Variants in PDE8A observed in about 807,000 individuals in gnomAD.
The protein encoded by PDE8A is phosphodiesterase 8A.
In PDE8A, 59 loss-of-function variants were observed where a neutral mutation model predicts 105.0. The observed-to-expected ratio is 0.56, with a 90% CI of 0.46 to 0.70. The LOEUF (loss-of-function observed/expected upper bound fraction) is 0.70, where lower values mean the gene tolerates loss of function less well. Ranked by LOEUF, PDE8A falls within the 30% of genes least tolerant of loss-of-function variation. The pLI is 0.00. For synonymous variants in PDE8A, 355 were observed against 371.9 expected, an observed-to-expected ratio of 0.95 and a Z score of 0.52; for missense variants, 1,014 against 1,045.9, an observed-to-expected ratio of 0.97 and a Z score of 0.42.
chr15:85,123,315 T>C, intron 19 of PDE8A, 122 bp downstream of exon 19: 1 of 696,324 alleles, frequency 1.4e-6, no homozygotes, highest in Non-Finnish European at 2.5e-6. Flanking sequence ...ATTAGACTCT[T>C]ACAGGGACAG....
chr15:84,994,417 C>G (rs1044954979), intron 1 of PDE8A, among the ~76,000 whole-genome samples: 4 of 152,202 alleles, frequency 2.6e-5, no homozygotes, highest in Non-Finnish European at 5.9e-5. Flanking sequence ...CCCATGTAAT[C>G]ACCAGCCAAA....
At position 85,130,472 on chromosome 15, in the gene PDE8A, G is replaced by T. The variant is rs28762802; in HGVS notation, c.2253+4098G>T. Among the ~76,000 whole-genome samples the T allele has an allele frequency of 4.3e-3, 659 of 152,200 alleles. 2 individuals are homozygous for T. The highest frequency in any genetic ancestry group is 0.015 in the African/African-American group (619 of 41,530). On this transcript the variant is annotated intron_variant, in intron 20 of 21. Transcript: ENST00000394553. ...TTACCTTTTAAAATATATACTGTTT[G>T]TTTTGTGGCCTATCATATGTTGTAT...
intron 6 of PDE8A, among the ~76,000 whole-genome samples, chr15:85,084,290 G>A (rs111279771): frequency 3.3e-5 from 5 of 152,200 alleles, no homozygotes; most frequent in East Asian, 3.9e-4. Flanking sequence ...AAAGGGGATC[G>A]GAATGAGAGT....
intron 1 of PDE8A, among the ~76,000 whole-genome samples, chr15:84,989,751 A>G (rs1448843428): frequency 6.6e-6 from 1 of 152,258 alleles, no homozygotes; most frequent in Admixed American, 6.5e-5. Context: ...CCATTTTCTT[A>G]TGAGAACCTT....
intron 20 of PDE8A, among the ~76,000 whole-genome samples, chr15:85,132,798 T>C (rs905642123): frequency 4.6e-5 from 7 of 151,934 alleles, no homozygotes; most frequent in Admixed American, 4.6e-4. Context: ...GCTGATATTC[T>C]CACTGTGGTG....
In PDE8A at chr15:85,069,888, G is replaced by T. The variant is rs143375912; in HGVS notation, c.434+2684G>T. ...GTAGGGATGGGTCCTTGTGCTAATCGTAGTGAGTTTTCTAGAGGCAAGAGC... is the reference window on the plus strand; with the variant it reads ...GTAGGGATGGGTCCTTGTGCTAATCTTAGTGAGTTTTCTAGAGGCAAGAGC... On this transcript the variant is annotated intron_variant, in intron 3 of 21. Coordinates refer to ENST00000394553, the MANE Select transcript of PDE8A (RefSeq NM_002605.3). Among the ~76,000 whole-genome samples, 304 of 152,264 alleles carry T rather than the reference G, an allele frequency of 2.0e-3. 2 individuals carry two copies. Among genetic ancestry groups the T allele is most frequent in the Non-Finnish European group, 1.9e-3 (127 of 68,018 alleles).
At chr15:85,107,949 G>A (rs2081969559) in intron 11 of PDE8A, among the ~76,000 whole-genome samples, 1 of 152,150 alleles carries the variant, frequency 6.6e-6, no homozygotes. Flanking sequence ...AATCATGAAA[G>A]AAACTAGAAA....
At chr15:85,077,402 T>G (rs2081394743) in intron 5 of PDE8A, among the ~76,000 whole-genome samples, 1 of 152,218 alleles carries the variant, frequency 6.6e-6, no homozygotes, top group Admixed American at 6.5e-5. Context: ...AGGCTGACCC[T>G]TGGGCAGATT....
chr15:85,011,809 C>CT, intron 1 of PDE8A, among the ~76,000 whole-genome samples: 1 of 152,032 alleles, frequency 6.6e-6, no homozygotes, highest in South Asian at 2.1e-4. Context: ...TGACAAAGGG[C>CT]TAATATCCAG....
At chr15:85,097,011 AC>A in intron 8 of PDE8A, among the ~76,000 whole-genome samples, 1 of 152,224 alleles carries the variant, frequency 6.6e-6, no homozygotes, top group Non-Finnish European at 1.5e-5. Context: ...TGGATAGCAA[AC>A]CTCAGCTAAG....
At chr15:85,063,639 T>G (rs1163410200) in intron 1 of PDE8A, 2 of 152,272 alleles carry the variant, frequency 1.3e-5, no homozygotes, top group African/African-American at 4.8e-5. Flanking sequence ...GCAGGGTACT[T>G]AGAACTTCAG....
At chr15:85,130,433 T>C (rs2082314626) in intron 20 of PDE8A, among the ~76,000 whole-genome samples, 1 of 152,244 alleles carries the variant, frequency 6.6e-6, no homozygotes, top group South Asian at 2.1e-4. Context: ...TTAGAAAAGG[T>C]ACTTTGTATG....
chr15:84,993,697 T>C (rs1393237340), intron 1 of PDE8A, among the ~76,000 whole-genome samples: 1 of 151,684 alleles, frequency 6.6e-6, no homozygotes, highest in African/African-American at 2.4e-5. Context: ...TTGGGAAACA[T>C]AGTAAGACCC....
chr15:85,034,481 A>G (rs961056596), intron 1 of PDE8A, among the ~76,000 whole-genome samples: 4 of 152,196 alleles, frequency 2.6e-5, no homozygotes, highest in Non-Finnish European at 5.9e-5. Context: ...GTGTGTGGTC[A>G]TATAACTAAC....
rs377755069 is a variant in PDE8A at position 85,116,145 on chromosome 15, G to C, written c.1535+26G>C. On this transcript the variant is annotated intron_variant, in intron 16 of 21. Coordinates refer to ENST00000394553, the MANE Select transcript of PDE8A (RefSeq NM_002605.3). The stretch of plus-strand genomic sequence containing the variant: ...GTGAGTTCATGCAGAGCTCAGCAGC[G>C]GGAGAACTAGATTCCCAGGGCCTGT... 26 of 1,612,216 alleles carry C rather than the reference G, an allele frequency of 1.6e-5. 1 individual carries two copies. In the East Asian group the frequency reaches 5.6e-4, roughly 35 times the overall value.
At chr15:85,107,560 A>G (rs1158654681) in intron 11 of PDE8A, among the ~76,000 whole-genome samples, 1 of 152,194 alleles carries the variant, frequency 6.6e-6, no homozygotes, top group African/African-American at 2.4e-5. Flanking sequence ...TTTAGGAGGT[A>G]GAATCCTTAG....
In PDE8A at chr15:85,049,916, TCTG is replaced by T. The variant is rs984782602; in HGVS notation, c.187-14452_187-14450del. ...TTTTTGAGGAATTGCCATTCTGTTT[TCTG>T]CAGCAGCTATACCATTTAATATTTC... is the stretch of plus-strand genomic sequence containing the variant. On this transcript the variant is annotated intron_variant, in intron 1 of 21. Transcript: ENST00000394553. Among the ~76,000 whole-genome samples, 76 of 152,378 alleles carry T rather than the reference TCTG, an allele frequency of 5.0e-4. 2 individuals carry two copies. Among genetic ancestry groups the T allele is most frequent in the African/African-American group, 1.7e-3 (72 of 41,590 alleles).
chr15:85,113,681 T>C (rs1299718984), intron 13 of PDE8A, among the ~76,000 whole-genome samples, 192 bp from the exon 14 acceptor site: 1 of 152,176 alleles, frequency 6.6e-6, no homozygotes, highest in African/African-American at 2.4e-5. Flanking sequence ...TGTTTTGTTT[T>C]TGCTGTTATT....
rs563631633 is a variant in PDE8A, at chr15:85,091,901, C to CTTTTTT, written c.852+735_852+740dup. 8.2e-3 allele frequency among the ~76,000 whole-genome samples: 723 copies of CTTTTTT among 88,270 alleles called. 13 individuals are homozygous for CTTTTTT. Among genetic ancestry groups the CTTTTTT allele is most frequent in the Middle Eastern group, 0.014 (1 of 74 alleles). 57.9% of individuals were successfully genotyped at this position (88,270 alleles called of 152,430 possible). ...ATCATTCATGGTCCTTTCTGCTGGA[C>CTTTTTT]TTTTTTTTTTTTTTTTTTTTGCTTT... is the stretch of plus-strand genomic sequence containing the variant. On this transcript the variant is annotated intron_variant, in intron 8 of 21. Transcript: ENST00000394553.
Sources: gnomAD v4.1 joint callset for allele counts (sites outside exome capture counted in the v4.1 genomes callset) on GRCh38, gnomAD v4.1.1 for gene constraint, MANE v1.5 for transcripts, NCBI Gene and HGNC (gene_info 2026-07-23, HGNC 2026-07-21) for gene names.